Variants in ACTL6A observed in about 807,000 individuals in gnomAD.
ACTL6A encodes actin like 6A.
In ACTL6A, 5 loss-of-function variants were observed where a neutral mutation model predicts 59.2. The observed-to-expected ratio is 0.08, with a 90% CI of 0.04 to 0.18. The LOEUF (loss-of-function observed/expected upper bound fraction) is 0.18, where lower values mean the gene tolerates loss of function less well. Among genes scored for constraint, ACTL6A ranks in the 10% least tolerant of loss-of-function variants. The pLI is 1.00. For synonymous variants in ACTL6A, 154 were observed against 171.8 expected, an observed-to-expected ratio of 0.90 and a Z score of 0.81; for missense variants, 285 against 526.9, an observed-to-expected ratio of 0.54 and a Z score of 4.49.
Position 179,562,956 on chromosome 3 carries a change from G to C in ACTL6A, c.-137G>C, listed in dbSNP as rs964015533. The C allele has an allele frequency of 3.8e-5, 44 of 1,161,270 alleles. No individual in the cohort carries two copies. Among genetic ancestry groups the C allele is most frequent in the Non-Finnish European group, 5.1e-5 (41 of 803,942 alleles). 71.9% of individuals were successfully genotyped at this position (1,161,270 alleles called of 1,614,324 possible). On this transcript the variant is annotated 5_prime_UTR_variant, in exon 1 of 14. Coordinates refer to ENST00000429709, the MANE Select transcript of ACTL6A (RefSeq NM_004301.5). Reference sequence around the variant, plus strand: ...TGGCTGAGCTCCGGGGTGTGTGGACGCCGCTTTGTTGCCTGAGGTGGGTGG... The same window carrying C: ...TGGCTGAGCTCCGGGGTGTGTGGACCCCGCTTTGTTGCCTGAGGTGGGTGG...
intron 8 of ACTL6A, among the ~76,000 whole-genome samples, chr3:179,578,897 C>T (rs768450881): frequency 2.6e-5 from 4 of 152,154 alleles, no homozygotes; most frequent in Admixed American, 1.3e-4. Flanking sequence ...TCCTGAGTAG[C>T]TGGGACTACA....
At chr3:179,564,117 C>T (rs1445948683) in intron 1 of ACTL6A, among the ~76,000 whole-genome samples, 2 of 152,136 alleles carry the variant, frequency 1.3e-5, no homozygotes, top group Non-Finnish European at 2.9e-5. Context: ...ACGCGTCATT[C>T]AGAATCTACT....
chr3:179,584,939 AAAT>A (rs1461217076), intron 12 of ACTL6A, among the ~76,000 whole-genome samples: 5 of 152,314 alleles, frequency 3.3e-5, no homozygotes, highest in East Asian at 1.9e-4. Context: ...TTCCCATATA[AAAT>A]AATGTTTTAC....
intron 1 of ACTL6A, 163 bp downstream of exon 1, chr3:179,563,280 G>A: frequency 8.2e-7 from 1 of 1,224,850 alleles, no homozygotes; most frequent in South Asian, 1.5e-5. Flanking sequence ...CGCCCCCGGA[G>A]CCCACCCGGC....
In ACTL6A at chr3:179,576,794, C is replaced by T. The variant is rs555771748; in HGVS notation, c.679-30C>T. ...TCCCCCACCCCTATGAAGTGAACTC[C>T]ATTAACCTAGCATCTCTTGGTACTC... On this transcript the variant is annotated intron_variant, in intron 7 of 13. Transcript: ENST00000429709. 55 of 1,611,384 alleles carry T rather than the reference C, an allele frequency of 3.4e-5. No individual in the cohort carries two copies. In the South Asian group the frequency reaches 5.6e-4, roughly 16 times the overall value.
At chr3:179,587,493 TGGA>T (rs1307576894) in intron 13 of ACTL6A, among the ~76,000 whole-genome samples, 1 of 152,134 alleles carries the variant, frequency 6.6e-6, no homozygotes, top group Admixed American at 6.5e-5. Flanking sequence ...TGGATGGTTC[TGGA>T]GGAGGGCAGA....
rs1718393039 is a variant in ACTL6A, at chr3:179,583,457, T to A, written c.1122+9T>A. 1 of 1,595,578 alleles carries A rather than the reference T, an allele frequency of 6.3e-7. No homozygotes were observed. On this transcript the variant is annotated intron_variant, in intron 12 of 13. Transcript: ENST00000429709. ...CTCAGAAAACTCCTCCAGTAAGTTC[T>A]GTTTGTTCTTTAATGGTATTCTTCA... is the stretch of plus-strand genomic sequence containing the variant.
intron 3 of ACTL6A, among the ~76,000 whole-genome samples, chr3:179,571,094 A>G (rs1412495324): frequency 6.6e-6 from 1 of 152,066 alleles, no homozygotes; most frequent in Non-Finnish European, 1.5e-5. Flanking sequence ...ATAGGAATAT[A>G]AAGGGAAGGA....
In ACTL6A at chr3:179,576,487, T is replaced by G. The variant is rs967782198; in HGVS notation, c.572-133T>G. The G allele has an allele frequency of 3.7e-6, 3 of 811,868 alleles. No homozygotes were observed. In the African/African-American group the frequency reaches 5.2e-5, roughly 14 times the overall value. 50.3% of individuals were successfully genotyped at this position (811,868 alleles called of 1,614,324 possible). On this transcript the variant is annotated intron_variant, in intron 6 of 13. Coordinates refer to ENST00000429709, the MANE Select transcript of ACTL6A (RefSeq NM_004301.5). ...TATATTTAAAACTGATGCATGGCTTTATTTATGTGTTGAAGGATAGTTCAG... is the reference window on the plus strand; with the variant it reads ...TATATTTAAAACTGATGCATGGCTTGATTTATGTGTTGAAGGATAGTTCAG...
At chr3:179,573,187 T>C in intron 3 of ACTL6A, 182 bp from the exon 4 acceptor site, 1 of 457,192 alleles carries the variant, frequency 2.2e-6, no homozygotes, top group Non-Finnish European at 3.8e-6. Context: ...AAAGAAGTTC[T>C]ATATATCTAG....
chr3:179,573,537 G>GTT, intron 4 of ACTL6A, 68 bp downstream of exon 4: 2 of 980,290 alleles, frequency 2.0e-6, no homozygotes, highest in Admixed American at 3.5e-5. Context: ...TTTTCCTTTA[G>GTT]TTTTCTACTC....
chr3:179,572,227 T>C (rs1718029146), intron 3 of ACTL6A, among the ~76,000 whole-genome samples: 1 of 151,700 alleles, frequency 6.6e-6, no homozygotes, highest in Non-Finnish European at 1.5e-5. Flanking sequence ...AAGGGAACAA[T>C]TAGGGATGTA....
At chr3:179,585,865 TTGG>T (rs1718474144) in intron 12 of ACTL6A, among the ~76,000 whole-genome samples, 1 of 152,072 alleles carries the variant, frequency 6.6e-6, no homozygotes, top group Non-Finnish European at 1.5e-5. Context: ...AAGCACTAAT[TTGG>T]AAGGAAATAG....
rs1381597715 is a variant in ACTL6A, at chr3:179,570,693, T to C, written c.277+452T>C. 1.3e-5 allele frequency among the ~76,000 whole-genome samples: 2 copies of C among 152,194 alleles called. No homozygotes were observed. The highest frequency in any genetic ancestry group is 2.4e-5 in the African/African-American group (1 of 41,444). On this transcript the variant is annotated intron_variant, in intron 3 of 13. Transcript: ENST00000429709. This position sits in a 1 kb window ranked among gnomAD's most constrained non-coding sequence, Gnocchi z 4.3. ...GGGATGGAATTGTGAAAGAAACTTA[T>C]GTGCTTGAAAATGTAATACAATTAA...
chr3:179,580,793 T>TC, intron 9 of ACTL6A, 92 bp downstream of exon 9: 2 of 1,349,208 alleles, frequency 1.5e-6, no homozygotes, highest in South Asian at 1.3e-5. Context: ...ATATTCTCAC[T>TC]CCCTTTTTTT....
chr3:179,577,307 G>C (rs1286680046), intron 8 of ACTL6A, among the ~76,000 whole-genome samples: 1 of 152,138 alleles, frequency 6.6e-6, no homozygotes, highest in African/African-American at 2.4e-5. Context: ...GTATGTCTCA[G>C]TTATGTTCTG....
Position 179,570,067 on chromosome 3 carries a change from G to A in ACTL6A, c.103G>A (p.Val35Met), listed in dbSNP as rs755288036. ...TATGTCATGTTTCTGACTCTTACAG[G>A]TGGATTTTCCTACAGCTATTGGTAT... ...AGYAGEDCPK[V>M]DFPTAIGMVV... is the part of the protein sequence containing the mutation. Residue 35 changes from valine (V) to methionine (M), a missense_variant and splice_region_variant, in exon 3 of 14, where the codon GTG becomes ATG. Physicochemically the swap from Val to Met is conservative, Grantham distance 21. Transcript: ENST00000429709. The surrounding 1 kb of genome is among the most constrained non-coding windows in gnomAD (Gnocchi z 4.3). 2.2e-5 allele frequency: 35 copies of A among 1,612,946 alleles called. No homozygotes were observed. In the South Asian group the frequency reaches 3.6e-4, roughly 17 times the overall value.
intron 3 of ACTL6A, among the ~76,000 whole-genome samples, chr3:179,571,281 G>T (rs1717998654): frequency 6.6e-6 from 1 of 151,930 alleles, no homozygotes; most frequent in Non-Finnish European, 1.5e-5. Context: ...AATTTGACAG[G>T]TGTGGTGATG....
chr3:179,576,397 T>C, intron 6 of ACTL6A, 86 bp downstream of exon 6: 1 of 1,044,828 alleles, frequency 9.6e-7, no homozygotes, highest in Non-Finnish European at 1.4e-6. Context: ...AGTAGCACTA[T>C]TAAAGCATAT....
Sources: gnomAD v4.1 joint callset for allele counts (sites outside exome capture counted in the v4.1 genomes callset) on GRCh38, gnomAD v4.1.1 for gene constraint, Gnocchi (gnomAD v3.1) non-coding constraint, MANE v1.5 for transcripts, NCBI Gene and HGNC (gene_info 2026-07-23, HGNC 2026-07-21) for gene names.